SMYD3: variants seen among roughly 807,000 people sequenced by gnomAD.
SMYD3 encodes the protein SET and MYND domain containing 3.
In SMYD3, 36 loss-of-function variants were observed where a neutral mutation model predicts 57.7. The observed-to-expected ratio is 0.62, with a 90% confidence interval of 0.48 to 0.82. The LOEUF is 0.82. Among genes scored for constraint, SMYD3 ranks in the 40% least tolerant of loss-of-function variants. The probability of loss-of-function intolerance (pLI) is 0.00; values close to 1 mark genes in which losing one functional copy is unlikely to be tolerated. For missense variants in SMYD3, 515 were observed against 538.8 expected (o/e 0.96, Z 0.44); for synonymous variants, 211 against 195.0 (o/e 1.08, Z -0.68).
chr1:245,943,059 A>G (rs1279679278), intron 5 of SMYD3, among the ~76,000 whole-genome samples: 1 of 151,952 alleles, frequency 6.6e-6, no homozygotes, highest in Non-Finnish European at 1.5e-5. Flanking sequence ...ACATCCTAAC[A>G]TCACACAACT....
chr1:246,219,666 C>T (rs2063220789), intron 5 of SMYD3, among the ~76,000 whole-genome samples: 2 of 152,266 alleles, frequency 1.3e-5, no homozygotes, highest in South Asian at 2.1e-4. Flanking sequence ...ACGCATAAGC[C>T]GTCTGCAGAG....
chr1:246,033,196 C>A (rs900653687), intron 5 of SMYD3, among the ~76,000 whole-genome samples: 5 of 151,736 alleles, frequency 3.3e-5, no homozygotes, highest in Non-Finnish European at 7.4e-5. Flanking sequence ...CCATCCACAC[C>A]ATGGAATACT....
intron 1 of SMYD3, among the ~76,000 whole-genome samples, chr1:246,373,599 C>T (rs1391274224): frequency 6.6e-6 from 1 of 151,998 alleles, no homozygotes; most frequent in African/African-American, 2.4e-5. Flanking sequence ...TTAATATCTT[C>T]CACAATATAA....
At chr1:245,890,491 C>T (rs577439601) in intron 8 of SMYD3, among the ~76,000 whole-genome samples, 1 of 152,096 alleles carries the variant, frequency 6.6e-6, no homozygotes, top group Non-Finnish European at 1.5e-5. Flanking sequence ...CCCGCATCAT[C>T]AAAGAAATGC....
intron 10 of SMYD3, among the ~76,000 whole-genome samples, chr1:245,798,428 A>C (rs1198064415): frequency 2.1e-5 from 3 of 145,348 alleles, no homozygotes; most frequent in African/African-American, 7.9e-5. Flanking sequence ...ACACACCCCC[A>C]CACACATACA....
At chr1:246,188,209 T>G (rs1253460875) in intron 5 of SMYD3, among the ~76,000 whole-genome samples, 1 of 152,034 alleles carries the variant, frequency 6.6e-6, no homozygotes, top group Non-Finnish European at 1.5e-5. Flanking sequence ...GCACAAACCA[T>G]GAAGCAAACA....
intron 1 of SMYD3, among the ~76,000 whole-genome samples, chr1:246,390,348 G>A (rs2066540569): frequency 6.6e-6 from 1 of 150,808 alleles, no homozygotes; most frequent in African/African-American, 2.4e-5. Flanking sequence ...TCCTAAGATT[G>A]GCTTAAGGTA....
At chr1:246,358,873 C>T (rs1476438122) in intron 1 of SMYD3, among the ~76,000 whole-genome samples, 2 of 152,038 alleles carry the variant, frequency 1.3e-5, no homozygotes, top group African/African-American at 4.8e-5. Flanking sequence ...TGAAGGAGCA[C>T]AAATAGACAA....
intron 1 of SMYD3, among the ~76,000 whole-genome samples, chr1:246,469,133 T>C (rs1217868259): frequency 6.6e-6 from 1 of 152,206 alleles, no homozygotes; most frequent in Non-Finnish European, 1.5e-5. Flanking sequence ...AGAGTTGCCA[T>C]ATGTGGCCAG....
At chr1:245,888,316 G>A (rs895131986) in intron 8 of SMYD3, among the ~76,000 whole-genome samples, 1 of 152,052 alleles carries the variant, frequency 6.6e-6, no homozygotes, top group Non-Finnish European at 1.5e-5. Flanking sequence ...TTGAGAAATT[G>A]GACAAAGATA....
intron 10 of SMYD3, among the ~76,000 whole-genome samples, chr1:245,833,073 A>ACAAAACAAAAAAAAAAAACACAAC (rs1553337078): frequency 2.3e-5 from 3 of 128,652 alleles, no homozygotes; most frequent in Non-Finnish European, 3.2e-5. Context: ...AAAAAAAAAA[A>ACAAAACAAAAAAAAAAAACACAAC]AACCTGCTTT....
chr1:245,845,712 T>C (rs1045197138), intron 10 of SMYD3, among the ~76,000 whole-genome samples: 1 of 152,244 alleles, frequency 6.6e-6, no homozygotes, highest in African/African-American at 2.4e-5. Context: ...CATAACATAA[T>C]GGCGGAGAGC....
At chr1:246,452,368 G>A (rs1268288350) in intron 1 of SMYD3, among the ~76,000 whole-genome samples, 3 of 152,124 alleles carry the variant, frequency 2.0e-5, no homozygotes, top group African/African-American at 7.2e-5. Context: ...TATGGGTGGT[G>A]TTGTGCACCT....
At chr1:245,948,826 C>T (rs2057514170) in intron 5 of SMYD3, among the ~76,000 whole-genome samples, 1 of 152,160 alleles carries the variant, frequency 6.6e-6, no homozygotes, top group African/African-American at 2.4e-5. Context: ...CACCTGCAGC[C>T]ACCACCTAGG....
chr1:246,122,289 G>A (rs1276032461), intron 5 of SMYD3, among the ~76,000 whole-genome samples: 1 of 152,098 alleles, frequency 6.6e-6, no homozygotes, highest in Non-Finnish European at 1.5e-5. Flanking sequence ...ATGCACACTT[G>A]TAGTCCCAGC....
intron 5 of SMYD3, among the ~76,000 whole-genome samples, chr1:246,214,017 C>G (rs1195693474): frequency 6.6e-6 from 1 of 152,164 alleles, no homozygotes. Context: ...CTAACACCAA[C>G]AGGCAAAAGA....
intron 1 of SMYD3, among the ~76,000 whole-genome samples, chr1:246,364,231 A>G (rs2148720122): frequency 6.6e-6 from 1 of 152,218 alleles, no homozygotes; most frequent in East Asian, 1.9e-4. Flanking sequence ...CCAAAAAAAA[A>G]AAAAAAAACC....
chr1:246,408,588 G>A (rs1055468083), intron 1 of SMYD3, among the ~76,000 whole-genome samples: 3 of 150,884 alleles, frequency 2.0e-5, no homozygotes, highest in Admixed American at 2.0e-4. Flanking sequence ...GATAAACAGA[G>A]AGAAAAATGA....
chr1:246,299,179 A>G (rs572640291), intron 5 of SMYD3, among the ~76,000 whole-genome samples: 15 of 152,304 alleles, frequency 9.8e-5, no homozygotes, highest in African/African-American at 3.4e-4. Context: ...AAATGGAAAT[A>G]CTTCAATAGC....
Sources: allele counts gnomAD v4.1 joint callset (sites outside exome capture counted in the v4.1 genomes callset), GRCh38; gene constraint gnomAD v4.1.1; transcripts MANE v1.5; gene names NCBI Gene and HGNC (gene_info 2026-07-23, HGNC 2026-07-21).